Variants in SEMA5A observed in about 807,000 individuals in gnomAD.
The protein encoded by SEMA5A is semaphorin 5A.
SEMA5A carries 55 observed loss-of-function variants against 135.5 expected under a neutral mutation model. That is an observed-to-expected ratio of 0.41 (90% confidence interval 0.33 to 0.51). SEMA5A has a LOEUF of 0.51. SEMA5A is among the 20% of genes least tolerant of loss of function. SEMA5A has a pLI of 0.37. For synonymous variants in SEMA5A, 580 were observed against 546.5 expected, an observed-to-expected ratio of 1.06 and a Z score of -0.85; for missense variants, 1,290 against 1,419.9, an observed-to-expected ratio of 0.91 and a Z score of 1.47.
chr5:9,069,173 A>G (rs1390903805), intron 16 of SEMA5A, among the ~76,000 whole-genome samples: 1 of 152,198 alleles, frequency 6.6e-6, no homozygotes, highest in African/African-American at 2.4e-5. Context: ...TGTACAGACA[A>G]TTTAAGCACA....
intron 3 of SEMA5A, among the ~76,000 whole-genome samples, chr5:9,353,249 G>GGGAAT (rs1754265910): frequency 7.3e-6 from 1 of 137,472 alleles, no homozygotes; most frequent in Non-Finnish European, 1.5e-5. Flanking sequence ...GGAAAGGGAA[G>GGGAAT]GGAAGGGAAG....
chr5:9,126,418 A>T (rs1043228950), intron 13 of SEMA5A, among the ~76,000 whole-genome samples: 4 of 152,116 alleles, frequency 2.6e-5, no homozygotes, highest in Admixed American at 2.6e-4. Flanking sequence ...GTTAGTGGGG[A>T]GGGAGACTGT....
chr5:9,448,508 C>T (rs150628685), intron 1 of SEMA5A, among the ~76,000 whole-genome samples: 4 of 152,336 alleles, frequency 2.6e-5, no homozygotes, highest in African/African-American at 9.6e-5. Context: ...CATCATCTGT[C>T]AAGACAACTC....
chr5:9,235,764 G>A (rs181878), intron 6 of SEMA5A, among the ~76,000 whole-genome samples: 21,017 of 150,522 alleles, frequency 0.14, 1,527 homozygotes, highest in Middle Eastern at 0.27. Context: ...AAAAAGAGGA[G>A]AGGAAAGAGT....
chr5:9,395,934 T>C (rs893514179), intron 2 of SEMA5A, among the ~76,000 whole-genome samples: 7 of 152,152 alleles, frequency 4.6e-5, no homozygotes, highest in Non-Finnish European at 8.8e-5. Context: ...GATGGGGCTG[T>C]GCTTTAAGGA....
intron 16 of SEMA5A, among the ~76,000 whole-genome samples, chr5:9,067,462 C>T (rs746090382): frequency 4.6e-5 from 7 of 152,294 alleles, no homozygotes; most frequent in Non-Finnish European, 8.8e-5. Flanking sequence ...TTTACACCAA[C>T]GGGTTTCACT....
At chr5:9,436,126 C>T (rs891229593) in intron 2 of SEMA5A, among the ~76,000 whole-genome samples, 1 of 152,160 alleles carries the variant, frequency 6.6e-6, no homozygotes, top group African/African-American at 2.4e-5. Flanking sequence ...AAAACAGTGA[C>T]CCAAGAATAC....
intron 5 of SEMA5A, among the ~76,000 whole-genome samples, chr5:9,290,611 G>T (rs1751030598): frequency 6.6e-6 from 1 of 152,100 alleles, no homozygotes; most frequent in South Asian, 2.1e-4. Flanking sequence ...AGGAAGTTCA[G>T]CAAATTTAGA....
chr5:9,143,770 A>G (rs1396154726), intron 12 of SEMA5A, among the ~76,000 whole-genome samples: 1 of 151,962 alleles, frequency 6.6e-6, no homozygotes, highest in Non-Finnish European at 1.5e-5. Context: ...ACCCCGTTCC[A>G]CTCCCTCTTT....
At chr5:9,544,957 G>A (rs1738300341) in intron 1 of SEMA5A, among the ~76,000 whole-genome samples, 1 of 152,216 alleles carries the variant, frequency 6.6e-6, no homozygotes, top group African/African-American at 2.4e-5. Context: ...TGGAGCAGCG[G>A]AGGGATGCCT....
chr5:9,164,416 C>A (rs186742948), intron 11 of SEMA5A, among the ~76,000 whole-genome samples: 3 of 150,680 alleles, frequency 2.0e-5, no homozygotes, highest in Non-Finnish European at 4.4e-5. Flanking sequence ...TTGCTTTCCT[C>A]TAAAATATTG....
At chr5:9,283,591 G>A (rs1004803781) in intron 5 of SEMA5A, among the ~76,000 whole-genome samples, 27 of 152,198 alleles carry the variant, frequency 1.8e-4, no homozygotes, top group African/African-American at 6.3e-4. Context: ...TACCATATAA[G>A]GTAAATTAAT....
intron 3 of SEMA5A, 118 bp downstream of exon 3, chr5:9,379,705 T>C: frequency 8.0e-7 from 1 of 1,252,800 alleles, no homozygotes; most frequent in Non-Finnish European, 1.1e-6. Flanking sequence ...TTAAACTGTG[T>C]CTGAAACAAG....
chr5:9,144,787 C>G (rs1742243741), intron 12 of SEMA5A, among the ~76,000 whole-genome samples: 1 of 152,272 alleles, frequency 6.6e-6, no homozygotes, highest in African/African-American at 2.4e-5. Flanking sequence ...ACATCACTCA[C>G]CCAAGCACAT....
chr5:9,162,259 G>A (rs892030652), intron 11 of SEMA5A, among the ~76,000 whole-genome samples: 1 of 151,952 alleles, frequency 6.6e-6, no homozygotes, highest in South Asian at 2.1e-4. Flanking sequence ...CCATCATCCA[G>A]AGCCTGAATA....
At chr5:9,283,987 T>C (rs899104503) in intron 5 of SEMA5A, among the ~76,000 whole-genome samples, 5 of 151,894 alleles carry the variant, frequency 3.3e-5, no homozygotes, top group Admixed American at 3.3e-4. Context: ...AAAAAATAGA[T>C]AGATAGATAG....
chr5:9,230,264 T>G (rs1442166116), intron 6 of SEMA5A, among the ~76,000 whole-genome samples: 1 of 149,360 alleles, frequency 6.7e-6, no homozygotes, highest in African/African-American at 2.5e-5. Context: ...CCTCCCAAAG[T>G]GCTGGGATTG....
At chr5:9,177,367 G>T (rs545197965) in intron 11 of SEMA5A, among the ~76,000 whole-genome samples, 54 of 152,244 alleles carry the variant, frequency 3.5e-4, no homozygotes, top group African/African-American at 1.3e-3. Flanking sequence ...TCTTCTAATT[G>T]CAGGTATAAA....
intron 5 of SEMA5A, among the ~76,000 whole-genome samples, chr5:9,313,538 T>G (rs1256504857): frequency 6.6e-6 from 1 of 152,178 alleles, no homozygotes; most frequent in Non-Finnish European, 1.5e-5. Context: ...CTGTTTTGAC[T>G]CTACCACCTT....
Sources: gnomAD v4.1 joint callset for allele counts (sites outside exome capture counted in the v4.1 genomes callset) on GRCh38, gnomAD v4.1.1 for gene constraint, MANE v1.5 for transcripts, NCBI Gene and HGNC (gene_info 2026-07-23, HGNC 2026-07-21) for gene names.